The following SLC44A1 variants were observed in gnomAD, a reference collection of about 807,000 sequenced individuals.
SLC44A1 encodes choline transporter-like protein 1.
SLC44A1 carries 26 observed loss-of-function variants against 79.3 expected under a neutral mutation model. The observed-to-expected ratio is 0.33, with a 90% CI of 0.24 to 0.46. The LOEUF (loss-of-function observed/expected upper bound fraction) is 0.46. Among genes scored for constraint, SLC44A1 ranks in the 20% least tolerant of loss-of-function variants. The pLI, the probability that SLC44A1 is intolerant of heterozygous loss-of-function variation, is 1.00. For missense variants in SLC44A1, 688 were observed against 798.1 expected, an observed-to-expected ratio of 0.86 and a Z score of 1.66; for synonymous variants, 263 against 286.2, an observed-to-expected ratio of 0.92 and a Z score of 0.82.
intron 4 of SLC44A1, among the ~76,000 whole-genome samples, chr9:105,340,184 A>G (rs1316436738): frequency 6.6e-6 from 1 of 152,248 alleles, no homozygotes; most frequent in Non-Finnish European, 1.5e-5. Flanking sequence ...AGTCAATTAT[A>G]TGTTATGCAT....
At chr9:105,354,518 C>T (rs916136352) in intron 5 of SLC44A1, among the ~76,000 whole-genome samples, 6 of 152,160 alleles carry the variant, frequency 3.9e-5, no homozygotes, top group Non-Finnish European at 8.8e-5. Context: ...TGGCTTCCTG[C>T]GCTTTCTGAT....
intron 3 of SLC44A1, among the ~76,000 whole-genome samples, chr9:105,325,288 A>G (rs764677849): frequency 1.3e-5 from 2 of 152,252 alleles, no homozygotes; most frequent in Admixed American, 6.5e-5. Context: ...AATGTATAGA[A>G]TAGACAAATG....
intron 5 of SLC44A1, among the ~76,000 whole-genome samples, chr9:105,352,098 A>C (rs796608364): frequency 7.9e-5 from 12 of 152,310 alleles, no homozygotes; most frequent in African/African-American, 2.6e-4. Context: ...CTCTCTCTCT[A>C]TAAAACATAA....
chr9:105,257,087 T>TTTTTTG (rs1175633569), intron 1 of SLC44A1, among the ~76,000 whole-genome samples: 11 of 130,682 alleles, frequency 8.4e-5, no homozygotes, highest in Admixed American at 1.6e-4. Flanking sequence ...CGCCCGGCCT[T>TTTTTTG]TTTTTGTTTT....
chr9:105,374,642 C>T lies in SLC44A1; in HGVS notation c.1539C>T (p.Thr513=). The change falls in exon 13 of 16, where the codon ACC becomes ACT. Residue 513 remains threonine, a synonymous_variant. Coordinates refer to ENST00000374720, the MANE Select transcript of SLC44A1 (RefSeq NM_080546.5). The part of the protein sequence containing the change: ...ATAINSTNFC[T]SAKDAFVILV... ...CTATCAACAGCACCAACTTCTGCAC[C>T]TCAGCAAAGGATGCCTTTGTCATTC... 3 of 1,614,048 alleles carry T rather than the reference C, an allele frequency of 1.9e-6. No homozygotes were observed. The highest frequency in any genetic ancestry group is 1.7e-6 in the Non-Finnish European group (2 of 1,179,914).
At chr9:105,369,642 C>T (rs984568721) in intron 12 of SLC44A1, among the ~76,000 whole-genome samples, 10 of 152,164 alleles carry the variant, frequency 6.6e-5, no homozygotes, top group Admixed American at 1.3e-4. Flanking sequence ...TACGAATCCA[C>T]ACAGAACTGC....
rs374498757 is a variant in SLC44A1 at position 105,326,350 on chromosome 9, CAA to C, written c.270-9212_270-9211del. Among the ~76,000 whole-genome samples, 3 of 152,318 alleles carry C rather than the reference CAA, an allele frequency of 2.0e-5. No homozygotes were observed. The East Asian group carries it at 5.8e-4, about 29-fold the overall frequency. On this transcript the variant is annotated intron_variant, in intron 3 of 15. Coordinates refer to ENST00000374720, the MANE Select transcript of SLC44A1 (RefSeq NM_080546.5). The stretch of plus-strand genomic sequence containing the variant: ...TCTCCCAAAGTACTGGGATTACAGA[CAA>C]GAGCTAATGCACCCAGCTAAAGTTG...
At chr9:105,403,121 G>A (rs181243598) in intron 15 of SLC44A1, among the ~76,000 whole-genome samples, 304 of 151,436 alleles carry the variant, frequency 2.0e-3, no homozygotes, top group Non-Finnish European at 3.7e-3. Flanking sequence ...TGCCCAGCCC[G>A]AAAAGATTAT....
At chr9:105,366,807 A>G (rs567364432) in intron 12 of SLC44A1, among the ~76,000 whole-genome samples, 1 of 152,194 alleles carries the variant, frequency 6.6e-6, no homozygotes, top group South Asian at 2.1e-4. Flanking sequence ...GAATCTGACT[A>G]CTGTGGCTAT....
chr9:105,335,556 G>T lies in SLC44A1; in HGVS notation c.270-7G>T. ...GTAATATCTCAGTTTTTTTCTCCAT[G>T]CTTTAGGTATGTATTCTTTTTGGAT... On this transcript the variant is annotated splice_polypyrimidine_tract_variant and splice_region_variant and intron_variant, in intron 3 of 15. Transcript: ENST00000374720. 1 of 1,605,054 alleles carries T rather than the reference G, an allele frequency of 6.2e-7. No individual in the cohort carries two copies. The highest frequency in any genetic ancestry group is 8.5e-7 in the Non-Finnish European group (1 of 1,175,168).
chr9:105,368,166 G>A (rs1827996211), intron 12 of SLC44A1, among the ~76,000 whole-genome samples: 1 of 151,610 alleles, frequency 6.6e-6, no homozygotes, highest in Non-Finnish European at 1.5e-5. Flanking sequence ...ACATTAGTCA[G>A]TGATTTAGTA....
chr9:105,365,936 A>C (rs1827928363), intron 11 of SLC44A1, among the ~76,000 whole-genome samples: 1 of 152,156 alleles, frequency 6.6e-6, no homozygotes, highest in Non-Finnish European at 1.5e-5. Flanking sequence ...CATGCACTTC[A>C]ACTAGTTTAG....
At chr9:105,288,994 T>C (rs1184146642) in intron 1 of SLC44A1, among the ~76,000 whole-genome samples, 1 of 152,236 alleles carries the variant, frequency 6.6e-6, no homozygotes, top group Non-Finnish European at 1.5e-5. Context: ...GATTAATTTT[T>C]CTCATATAAT....
chr9:105,394,797 A>C lies in SLC44A1; in HGVS notation c.*5741A>C, dbSNP rs1018610486. 1.2e-5 allele frequency: 12 copies of C among 985,278 alleles called. No homozygotes were observed. The African/African-American group carries it at 2.1e-4, about 17-fold the overall frequency. The allele number at this position is 985,278 out of a possible 1,614,324, so 61.0% of individuals were successfully genotyped here. ...GATGCTGAAGGTAGAAATGCAAAAG[A>C]TGTTTTTTCTTCCTGCATAAATCAC... On this transcript the variant is annotated 3_prime_UTR_variant, in exon 16 of 16. Transcript: ENST00000374720.
rs753946706 is a variant in SLC44A1, at chr9:105,408,393, T to C, written c.1950+22891T>C. Among the ~76,000 whole-genome samples, 3 of 148,426 alleles carry C rather than the reference T, an allele frequency of 2.0e-5. No individual in the cohort carries two copies. The South Asian group carries it at 6.2e-4, about 31-fold the overall frequency. ...AGCTAGTATTATTGTATTTTTTGTT[T>C]GTCACTCATTTGTTGTTGTTGTTGT... On this transcript the variant is annotated intron_variant, in intron 15 of 15. Transcript: ENST00000374724.
At chr9:105,268,277 G>A (rs1830005149) in intron 1 of SLC44A1, among the ~76,000 whole-genome samples, 1 of 152,054 alleles carries the variant, frequency 6.6e-6, no homozygotes, top group Non-Finnish European at 1.5e-5. Flanking sequence ...GTGTAAGTGG[G>A]TTCACTTCCT....
intron 13 of SLC44A1, among the ~76,000 whole-genome samples, chr9:105,378,235 C>T (rs932076743): frequency 2.6e-5 from 4 of 152,148 alleles, no homozygotes; most frequent in South Asian, 4.1e-4. Flanking sequence ...GACGACAAAG[C>T]GGGACTCTGT....
At chr9:105,410,641 G>A (rs1169855461) in intron 15 of SLC44A1, among the ~76,000 whole-genome samples, 1 of 152,178 alleles carries the variant, frequency 6.6e-6, no homozygotes, top group Non-Finnish European at 1.5e-5. Context: ...AAACAGTTTG[G>A]CAGTTTCTCG....
chr9:105,438,422 AC>A (rs34283722), exon 16 of SLC44A1: 17,665 of 771,276 alleles, frequency 0.023, 300 homozygotes, highest in African/African-American at 0.053. Context: ...AAAGCATGTA[AC>A]AAGTTTCTCA....
Sources: gnomAD v4.1 joint callset for allele counts (sites outside exome capture counted in the v4.1 genomes callset) on GRCh38, gnomAD v4.1.1 for gene constraint, MANE v1.5 for transcripts, NCBI Gene and HGNC (gene_info 2026-07-23, HGNC 2026-07-21) for gene names.